NCKAP5: variants seen among roughly 807,000 people sequenced by gnomAD.
NCKAP5 encodes NCK associated protein 5, also known as nck-associated protein 5.
NCKAP5 carries 92 observed loss-of-function variants against 167.0 expected under a neutral mutation model. That is an observed-to-expected ratio of 0.55 (90% CI 0.47 to 0.66). The LOEUF (loss-of-function observed/expected upper bound fraction) is 0.66. Ranked by LOEUF, NCKAP5 falls within the 30% of genes least tolerant of loss-of-function variation. The pLI, the probability that NCKAP5 is intolerant of heterozygous loss-of-function variation, is 0.00. For missense variants in NCKAP5, 2,378 were observed against 2,315.0 expected, an observed-to-expected ratio of 1.03 and a Z score of -0.56; for synonymous variants, 891 against 877.4, an observed-to-expected ratio of 1.02 and a Z score of -0.27.
intron 7 of NCKAP5, among the ~76,000 whole-genome samples, chr2:132,983,203 T>C (rs187710016): frequency 6.6e-6 from 1 of 152,296 alleles, no homozygotes; most frequent in Non-Finnish European, 1.5e-5. Context: ...CCAGGAGTCT[T>C]TTGGCAGAGT....
intron 3 of NCKAP5, among the ~76,000 whole-genome samples, chr2:133,435,230 G>C (rs1690399870): frequency 1.3e-5 from 2 of 152,138 alleles, no homozygotes; most frequent in African/African-American, 4.8e-5. Context: ...TAATGCTCAG[G>C]AGGTGATTTA....
At chr2:133,493,179 T>A (rs1164146562) in intron 3 of NCKAP5, among the ~76,000 whole-genome samples, 1 of 152,196 alleles carries the variant, frequency 6.6e-6, no homozygotes, top group Non-Finnish European at 1.5e-5. Context: ...TTTATGCAAT[T>A]CTAAATGTAC....
chr2:132,999,529 G>A (rs190369545), intron 6 of NCKAP5, among the ~76,000 whole-genome samples: 2 of 152,334 alleles, frequency 1.3e-5, no homozygotes, highest in Admixed American at 1.3e-4. Context: ...GAAAGAAAAT[G>A]TTAAAACACA....
At chr2:132,994,401 C>G (rs1266150093) in intron 6 of NCKAP5, among the ~76,000 whole-genome samples, 162 bp from the exon 7 acceptor site, 1 of 152,152 alleles carries the variant, frequency 6.6e-6, no homozygotes, top group African/African-American at 2.4e-5. Context: ...TCATGAAGTC[C>G]TTTGCAACCA....
chr2:132,764,152 C>T (rs1681252035), intron 16 of NCKAP5, among the ~76,000 whole-genome samples: 1 of 152,162 alleles, frequency 6.6e-6, no homozygotes, highest in Non-Finnish European at 1.5e-5. Flanking sequence ...GTGATTGTCC[C>T]TGCTGGTGAG....
chr2:132,917,864 G>T (rs1010454632), intron 8 of NCKAP5, among the ~76,000 whole-genome samples: 1 of 152,054 alleles, frequency 6.6e-6, no homozygotes. Context: ...CATAAATTTA[G>T]TTTCTCTGAG....
At chr2:133,560,191 G>T (rs1462047884) in intron 1 of NCKAP5, among the ~76,000 whole-genome samples, 1 of 152,148 alleles carries the variant, frequency 6.6e-6, no homozygotes, top group African/African-American at 2.4e-5. Flanking sequence ...GTATAAACAT[G>T]AATATTTTCG....
At chr2:132,854,559 C>G (rs767656869) in intron 11 of NCKAP5, among the ~76,000 whole-genome samples, 8 of 152,220 alleles carry the variant, frequency 5.3e-5, no homozygotes, top group Non-Finnish European at 1.0e-4. Flanking sequence ...TCTTGTCCAC[C>G]TGGAGTCACA....
chr2:133,002,215 T>C (rs577857454), intron 6 of NCKAP5, among the ~76,000 whole-genome samples: 47 of 152,256 alleles, frequency 3.1e-4, no homozygotes, highest in African/African-American at 1.1e-3. Flanking sequence ...TTCTTAGCCA[T>C]GGGGGATATG....
At chr2:133,385,413 G>T (rs1487388416) in intron 3 of NCKAP5, among the ~76,000 whole-genome samples, 1 of 152,234 alleles carries the variant, frequency 6.6e-6, no homozygotes, top group Non-Finnish European at 1.5e-5. Context: ...GATCATGGTG[G>T]ATAAGCTGTC....
chr2:133,275,662 G>A (rs1382957902), intron 4 of NCKAP5, among the ~76,000 whole-genome samples: 1 of 151,896 alleles, frequency 6.6e-6, no homozygotes, highest in East Asian at 1.9e-4. Context: ...CAGAAAAATT[G>A]GCAGTCCTAT....
At chr2:133,669,011 T>G in the NCKAP5 span, among the ~76,000 whole-genome samples, 30 of 152,296 alleles carry the variant, frequency 2.0e-4, no homozygotes, top group East Asian at 5.4e-3. Flanking sequence ...TATGACAATT[T>G]GGGGAGAATA....
At chr2:133,113,026 G>A (rs2081965420) in intron 6 of NCKAP5, among the ~76,000 whole-genome samples, 1 of 152,150 alleles carries the variant, frequency 6.6e-6, no homozygotes, top group Admixed American at 6.6e-5. Flanking sequence ...GCTTCCAGCT[G>A]CTCCATGGGA....
intron 3 of NCKAP5, among the ~76,000 whole-genome samples, chr2:133,483,700 A>C (rs1680664092): frequency 6.6e-6 from 1 of 152,198 alleles, no homozygotes; most frequent in South Asian, 2.1e-4. Flanking sequence ...GGGTTCAAAA[A>C]TAGAACTTGC....
At chr2:132,921,843 T>C (rs777195877) in intron 8 of NCKAP5, among the ~76,000 whole-genome samples, 1 of 152,202 alleles carries the variant, frequency 6.6e-6, no homozygotes, top group African/African-American at 2.4e-5. Context: ...GGGAATGTAA[T>C]GCAGGTTTGG....
chr2:132,863,704 A>G (rs1475370655), intron 10 of NCKAP5, among the ~76,000 whole-genome samples: 1 of 152,178 alleles, frequency 6.6e-6, no homozygotes, highest in Non-Finnish European at 1.5e-5. Flanking sequence ...CCATTGACAA[A>G]CAGAAATGAG....
At chr2:132,707,450 T>C (rs770208826) in intron 19 of NCKAP5, among the ~76,000 whole-genome samples, 1 of 152,192 alleles carries the variant, frequency 6.6e-6, no homozygotes, top group Non-Finnish European at 1.5e-5. Context: ...ACTGCAACTC[T>C]TGGGCAAGTC....
chr2:133,317,964 A>G (rs933905145), intron 3 of NCKAP5, among the ~76,000 whole-genome samples: 2 of 152,142 alleles, frequency 1.3e-5, no homozygotes, highest in Non-Finnish European at 2.9e-5. Context: ...GGCTGTGTAT[A>G]TTTTCACTGT....
At chr2:133,116,466 C>T (rs1222672152) in intron 6 of NCKAP5, among the ~76,000 whole-genome samples, 18 of 63,912 alleles carry the variant, frequency 2.8e-4, no homozygotes, top group Non-Finnish European at 3.9e-4. Context: ...CCAGCCTGGG[C>T]GACAGAGCGA....
Sources: gnomAD v4.1 joint callset for allele counts (sites outside exome capture counted in the v4.1 genomes callset) on GRCh38, gnomAD v4.1.1 for gene constraint, MANE v1.5 for transcripts, NCBI Gene and HGNC (gene_info 2026-07-23, HGNC 2026-07-21) for gene names.